NALCN: variants seen among roughly 807,000 people sequenced by gnomAD.
The protein encoded by NALCN is sodium leak channel NALCN.
Under a neutral mutation model 225.3 loss-of-function variants are expected in NALCN, and 111 were observed. The ratio of observed to expected loss-of-function variants is 0.49; its 90% CI spans 0.42 to 0.58. The LOEUF (loss-of-function observed/expected upper bound fraction) is 0.58, where lower values mean the gene tolerates loss of function less well. NALCN is among the 20% of genes least tolerant of loss of function. The pLI is 0.00. For missense variants in NALCN, 1,378 were observed against 2,202.4 expected, an observed-to-expected ratio of 0.63 and a Z score of 7.49; for synonymous variants, 764 against 769.0, an observed-to-expected ratio of 0.99 and a Z score of 0.11.
chr13:101,383,533 T>C (rs1261453203), intron 3 of NALCN, among the ~76,000 whole-genome samples: 3 of 152,204 alleles, frequency 2.0e-5, no homozygotes, highest in Non-Finnish European at 4.4e-5. Context: ...GTGGGTGACA[T>C]ATAGCAGATA....
chr13:101,241,404 T>A (rs1449414901), intron 11 of NALCN, among the ~76,000 whole-genome samples: 1 of 152,122 alleles, frequency 6.6e-6, no homozygotes, highest in African/African-American at 2.4e-5. Flanking sequence ...GTGGGCAGGC[T>A]GTCTTACACA....
chr13:101,321,303 C>A (rs534811782), intron 7 of NALCN, among the ~76,000 whole-genome samples: 18 of 152,006 alleles, frequency 1.2e-4, no homozygotes, highest in African/African-American at 4.3e-4. Context: ...TGTGAACCAG[C>A]AATTCGTAGA....
intron 12 of NALCN, among the ~76,000 whole-genome samples, chr13:101,236,609 T>G (rs1379540647): frequency 6.6e-6 from 1 of 152,044 alleles, no homozygotes; most frequent in African/African-American, 2.4e-5. Flanking sequence ...TCATGTCCTT[T>G]GTAGGGGACG....
At chr13:101,322,819 TCTC>T (rs1487336958) in intron 7 of NALCN, among the ~76,000 whole-genome samples, 9 of 152,126 alleles carry the variant, frequency 5.9e-5, no homozygotes, top group Admixed American at 5.9e-4. Context: ...TTCAAACAAT[TCTC>T]CTACCTCAGC....
chr13:101,357,319 T>G (rs891138609), intron 6 of NALCN, among the ~76,000 whole-genome samples: 2 of 152,170 alleles, frequency 1.3e-5, no homozygotes, highest in African/African-American at 4.8e-5. Flanking sequence ...CTTAACCTGA[T>G]AAGCAACTTC....
chr13:101,103,026 A>T lies in NALCN; in HGVS notation c.3057+146T>A, dbSNP rs1312369316. On this transcript the variant is annotated intron_variant, in intron 26 of 43. Transcript: ENST00000251127. ...CCATGAGTAAAGTGTTTGAAGGTGC[A>T]TTGTGTTTTGTTAGTGCCTCCATTA... 5 of 892,350 alleles carry T rather than the reference A, an allele frequency of 5.6e-6. No individual in the cohort carries two copies. The African/African-American group carries it at 6.7e-5, about 12-fold the overall frequency. 55.3% of individuals were successfully genotyped at this position (892,350 alleles called of 1,614,324 possible). A position where few individuals can be genotyped will look rare whatever the true frequency, so the allele number is the denominator to read the frequency against.
intron 18 of NALCN, among the ~76,000 whole-genome samples, chr13:101,120,990 C>A (rs1277251986): frequency 6.6e-6 from 1 of 152,170 alleles, no homozygotes; most frequent in Non-Finnish European, 1.5e-5. Context: ...CTCACTTATC[C>A]CTTCTGAGAC....
intron 15 of NALCN, 99 bp from the exon 16 acceptor site, chr13:101,144,995 C>T (rs1245196092): frequency 1.4e-5 from 18 of 1,320,664 alleles, no homozygotes; most frequent in East Asian, 2.5e-5. Flanking sequence ...TAAGTAATTA[C>T]ATGAAATGCC....
intron 6 of NALCN, among the ~76,000 whole-genome samples, chr13:101,352,287 A>G (rs2045928065): frequency 6.6e-6 from 1 of 152,184 alleles, no homozygotes. Flanking sequence ...AACATCAACT[A>G]TGACTACGGG....
At chr13:101,384,392 T>C (rs1028781325) in intron 3 of NALCN, among the ~76,000 whole-genome samples, 1 of 151,994 alleles carries the variant, frequency 6.6e-6, no homozygotes, top group Non-Finnish European at 1.5e-5. Context: ...ACTTGAAGAC[T>C]GCCAATCAAC....
intron 15 of NALCN, among the ~76,000 whole-genome samples, chr13:101,171,314 A>C (rs1043685651): frequency 7.4e-5 from 11 of 148,830 alleles, no homozygotes; most frequent in African/African-American, 2.7e-4. Flanking sequence ...TAATATATAC[A>C]TATACGTATA....
chr13:101,296,330 C>T (rs769147090), intron 7 of NALCN, among the ~76,000 whole-genome samples: 1 of 152,144 alleles, frequency 6.6e-6, no homozygotes, highest in Non-Finnish European at 1.5e-5. Context: ...CAAATATTTG[C>T]TTTTTGATTA....
At chr13:101,136,959 C>A (rs924603803) in intron 17 of NALCN, among the ~76,000 whole-genome samples, 4 of 152,200 alleles carry the variant, frequency 2.6e-5, no homozygotes, top group African/African-American at 9.6e-5. Context: ...TCCTCTCCAG[C>A]ACCTGTTGTT....
intron 6 of NALCN, among the ~76,000 whole-genome samples, chr13:101,366,016 C>A (rs2046368506): frequency 6.6e-6 from 1 of 152,028 alleles, no homozygotes; most frequent in Non-Finnish European, 1.5e-5. Flanking sequence ...TCAGGTAAGT[C>A]TTCATCTTTT....
chr13:101,334,430 T>C (rs1374423972), intron 7 of NALCN, among the ~76,000 whole-genome samples: 1 of 151,714 alleles, frequency 6.6e-6, no homozygotes, highest in Non-Finnish European at 1.5e-5. Context: ...AAGAAGAGAA[T>C]GGAGAGAGGC....
At chr13:101,141,855 G>A (rs562931025) in intron 17 of NALCN, among the ~76,000 whole-genome samples, 1 of 152,138 alleles carries the variant, frequency 6.6e-6, no homozygotes, top group East Asian at 1.9e-4. Flanking sequence ...AAAGAAAAAG[G>A]GCAGTAACAA....
At chr13:101,256,764 G>GTT (rs1261797646) in intron 11 of NALCN, among the ~76,000 whole-genome samples, 5 of 89,270 alleles carry the variant, frequency 5.6e-5, no homozygotes, top group Non-Finnish European at 1.1e-4. Context: ...GCTTCTTTCT[G>GTT]CTTTTTTTTT....
rs188397044 is a variant in NALCN, at chr13:101,268,042, C to T, written c.1135-9468G>A. ...TGTGTCACTTTGAGAAAGGGTGTGC[C>T]TTCTCGAAAGTCTCCCTCTCTCTTT... On this transcript the variant is annotated intron_variant, in intron 10 of 43. Transcript: ENST00000251127. 9.9e-5 allele frequency among the ~76,000 whole-genome samples: 15 copies of T among 152,242 alleles called. 1 individual carries two copies. The highest frequency in any genetic ancestry group is 2.6e-4 in the Admixed American group (4 of 15,296).
At chr13:101,303,592 C>T (rs557017786) in intron 7 of NALCN, among the ~76,000 whole-genome samples, 14 of 152,080 alleles carry the variant, frequency 9.2e-5, no homozygotes, top group South Asian at 2.1e-4. Context: ...AGAATAGTGG[C>T]GAAAGAGGAA....
Sources: allele counts gnomAD v4.1 joint callset (sites outside exome capture counted in the v4.1 genomes callset), GRCh38; gene constraint gnomAD v4.1.1; transcripts MANE v1.5; gene names NCBI Gene and HGNC (gene_info 2026-07-23, HGNC 2026-07-21).